The following SHB variants were observed in gnomAD, a reference collection of about 807,000 sequenced individuals.
SHB encodes the protein SH2 domain-containing adapter protein B.
Under a neutral mutation model 52.3 loss-of-function variants are expected in SHB, and 20 were observed. That is an observed-to-expected ratio of 0.38 (90% CI 0.27 to 0.56). The LOEUF is 0.56. Ranked by LOEUF, SHB falls within the 20% of genes least tolerant of loss-of-function variation. The pLI, the probability that SHB is intolerant of heterozygous loss-of-function variation, is 0.71. For missense variants in SHB, 825 were observed against 723.3 expected (o/e 1.14, Z -1.61); for synonymous variants, 397 against 316.5 (o/e 1.25, Z -2.70).
intron 2 of SHB, among the ~76,000 whole-genome samples, chr9:38,012,616 G>C (rs1332891809): frequency 6.6e-6 from 1 of 151,890 alleles, no homozygotes; most frequent in Non-Finnish European, 1.5e-5. Flanking sequence ...ATGACTGCCT[G>C]CTCTGAGGCT....
chr9:37,928,060 G>A (rs970886104), intron 5 of SHB, among the ~76,000 whole-genome samples: 12 of 152,164 alleles, frequency 7.9e-5, no homozygotes, highest in African/African-American at 2.9e-4. Context: ...CCAAAGGGAG[G>A]AAGTTCAAAG....
At chr9:38,006,428 C>T (rs1342085189) in intron 2 of SHB, among the ~76,000 whole-genome samples, 1 of 152,184 alleles carries the variant, frequency 6.6e-6, no homozygotes, top group African/African-American at 2.4e-5. Context: ...GTACAGGATG[C>T]AGGAGCTTTG....
At chr9:37,992,198 C>T (rs768872195) in intron 2 of SHB, among the ~76,000 whole-genome samples, 2 of 152,004 alleles carry the variant, frequency 1.3e-5, no homozygotes, top group African/African-American at 4.8e-5. Context: ...GTCAGGAGTT[C>T]GAGACCAGCC....
chr9:37,974,659 A>G lies in SHB; in HGVS notation c.1017T>C (p.Pro339=), dbSNP rs1398329488. The change falls in exon 3 of 6, where the codon CCT becomes CCC. Residue 339 remains proline, a synonymous_variant. Coordinates refer to ENST00000377707, the MANE Select transcript of SHB (RefSeq NM_003028.3). ...GGATGGTGACCCGGTTCCACTCCCAAGGCTGGTCGTACTCATCGGCGGGCC... is the reference window on the plus strand; with the variant it reads ...GGATGGTGACCCGGTTCCACTCCCAGGGCTGGTCGTACTCATCGGCGGGCC... ...DDRPADEYDQ[P]WEWNRVTIPA... is the part of the protein sequence containing the mutation. The G allele has an allele frequency of 3.7e-6, 6 of 1,613,726 alleles. No individual in the cohort carries two copies. Among genetic ancestry groups the G allele is most frequent in the East Asian group, 4.5e-5 (2 of 44,854 alleles).
At chr9:38,019,603 T>C (rs1475020726) in intron 1 of SHB, among the ~76,000 whole-genome samples, 1 of 152,250 alleles carries the variant, frequency 6.6e-6, no homozygotes, top group Non-Finnish European at 1.5e-5. Flanking sequence ...GCTGCACTTG[T>C]GAGCAGAATT....
intron 1 of SHB, among the ~76,000 whole-genome samples, chr9:38,039,603 C>T (rs1035595431): frequency 2.0e-5 from 3 of 152,252 alleles, no homozygotes; most frequent in Non-Finnish European, 4.4e-5. Flanking sequence ...TACAAAGCCA[C>T]GACAAGGTCC....
At chr9:38,059,898 G>A (rs10973655) in intron 1 of SHB, among the ~76,000 whole-genome samples, 9,485 of 152,194 alleles carry the variant, frequency 0.062, 966 homozygotes, top group African/African-American at 0.21. Context: ...CCCATTCCTC[G>A]CAGAGTGGCT....
chr9:37,940,918 T>C (rs976266977), intron 5 of SHB, among the ~76,000 whole-genome samples: 2 of 152,202 alleles, frequency 1.3e-5, no homozygotes, highest in African/African-American at 2.4e-5. Flanking sequence ...AGGATACCTG[T>C]TGAGTGGTCA....
At chr9:37,980,716 T>A (rs1820714320) in intron 2 of SHB, among the ~76,000 whole-genome samples, 1 of 152,220 alleles carries the variant, frequency 6.6e-6, no homozygotes, top group African/African-American at 2.4e-5. Context: ...CCTTATGAGA[T>A]GTATTTCTTA....
rs1029557868 is a variant in SHB, at chr9:37,956,205, G to T, written c.1055-151C>A. ...AGCAATGACATAACATGGCACAAAA[G>T]ATTTTGGCTTCCTAAGACAGGACAC... On this transcript the variant is annotated intron_variant, in intron 3 of 5. Transcript: ENST00000377707. 1.4e-5 allele frequency: 10 copies of T among 725,030 alleles called. No individual in the cohort carries two copies. In the African/African-American group the frequency reaches 1.8e-4, roughly 13 times the overall value. 44.9% of individuals were successfully genotyped at this position (725,030 alleles called of 1,614,324 possible).
At chr9:37,933,911 C>T (rs1244273040) in intron 5 of SHB, among the ~76,000 whole-genome samples, 1 of 152,246 alleles carries the variant, frequency 6.6e-6, no homozygotes, top group Admixed American at 6.5e-5. Flanking sequence ...TGTGAAGGTC[C>T]CTCAGAGACA....
intron 4 of SHB, 144 bp from the exon 5 acceptor site, chr9:37,948,898 G>A (rs897096926): frequency 6.6e-5 from 67 of 1,019,322 alleles, no homozygotes; most frequent in Non-Finnish European, 9.1e-5. Flanking sequence ...CCCACTGCCC[G>A]CCTGCTGCTG....
At chr9:37,934,481 T>C (rs1367741158) in intron 5 of SHB, among the ~76,000 whole-genome samples, 1 of 152,122 alleles carries the variant, frequency 6.6e-6, no homozygotes, top group Non-Finnish European at 1.5e-5. Flanking sequence ...TTTTTTTTTT[T>C]GTAGAGACCT....
chr9:38,014,255 A>G (rs1169949595), intron 2 of SHB, among the ~76,000 whole-genome samples: 1 of 152,170 alleles, frequency 6.6e-6, no homozygotes, highest in Non-Finnish European at 1.5e-5. Flanking sequence ...CATGACCCAA[A>G]GTCGCTCCTG....
chr9:37,925,694 C>G (rs7867265), intron 5 of SHB, among the ~76,000 whole-genome samples: 5,386 of 152,234 alleles, frequency 0.035, 145 homozygotes, highest in East Asian at 0.11. Context: ...TTTTATTTTG[C>G]TATTTTTTAC....
rs1564078446 is a variant in SHB, at chr9:37,918,428, T to TCCCTGGGAGGTCA, written c.*1392_*1393insTGACCTCCCAGGG. The stretch of plus-strand genomic sequence containing the variant: ...AGTGTGGACCACTGAGGGCTGTGTG[T>TCCCTGGGAGGTCA]GTGTGTGTGTGTGTGTGTAGGTGTT... On this transcript the variant is annotated 3_prime_UTR_variant, in exon 6 of 6. Transcript: ENST00000377707. 2.8e-5 allele frequency among the ~76,000 whole-genome samples: 3 copies of TCCCTGGGAGGTCA among 107,852 alleles called. No individual in the cohort carries two copies. Among genetic ancestry groups the TCCCTGGGAGGTCA allele is most frequent in the Admixed American group, 8.8e-5 (1 of 11,402 alleles). 70.8% of individuals were successfully genotyped at this position (107,852 alleles called of 152,430 possible). A position where few individuals can be genotyped will look rare whatever the true frequency, so the allele number is the denominator to read the frequency against.
intron 5 of SHB, among the ~76,000 whole-genome samples, chr9:37,923,919 G>C (rs780124206): frequency 6.6e-6 from 1 of 152,162 alleles, no homozygotes; most frequent in Admixed American, 6.5e-5. Context: ...GCCGGGCTCC[G>C]AGCCACATCT....
At chr9:37,960,036 C>T (rs761644388) in intron 3 of SHB, among the ~76,000 whole-genome samples, 4 of 152,144 alleles carry the variant, frequency 2.6e-5, no homozygotes, top group Non-Finnish European at 4.4e-5. Context: ...AAACTAGTAA[C>T]GTCCTAGTCA....
intron 1 of SHB, among the ~76,000 whole-genome samples, chr9:38,033,457 G>C (rs114222890): frequency 3.0e-3 from 462 of 152,276 alleles, no homozygotes; most frequent in African/African-American, 0.01. Context: ...TAGAATTTGG[G>C]AAGATCACTT....
Sources: allele counts gnomAD v4.1 joint callset (sites outside exome capture counted in the v4.1 genomes callset), GRCh38; gene constraint gnomAD v4.1.1; transcripts MANE v1.5; gene names NCBI Gene and HGNC (gene_info 2026-07-23, HGNC 2026-07-21).